KNTC1: variants seen among roughly 807,000 people sequenced by gnomAD.
KNTC1 encodes kinetochore-associated protein 1.
A neutral mutation model predicts 314.4 loss-of-function variants in KNTC1; 253 were observed. That is an observed-to-expected ratio of 0.80 (90% CI 0.73 to 0.89). The LOEUF (loss-of-function observed/expected upper bound fraction) is 0.89, where lower values mean the gene tolerates loss of function less well. Among genes scored for constraint, KNTC1 ranks in the 40% least tolerant of loss-of-function variants. KNTC1 has a pLI of 0.00. For synonymous variants in KNTC1, 901 were observed against 901.4 expected (o/e 1.00, Z 0.01); for missense variants, 2,475 against 2,572.9 (o/e 0.96, Z 0.82).
At chr12:122,602,016 T>C (rs1009816975) in intron 45 of KNTC1, 1 of 152,752 alleles carries the variant, frequency 6.5e-6, no homozygotes, top group Non-Finnish European at 1.5e-5. Flanking sequence ...TACTCAATTA[T>C]GTCTCAGTAC....
At position 122,534,648 on chromosome 12, in the gene KNTC1, C is replaced by G. The variant is rs199547945; in HGVS notation, c.130-16C>G. 12 of 1,595,006 alleles carry G rather than the reference C, an allele frequency of 7.5e-6. No individual in the cohort carries two copies. In the African/African-American group the frequency reaches 1.5e-4, roughly 20 times the overall value. On this transcript the variant is annotated splice_polypyrimidine_tract_variant and intron_variant, in intron 2 of 63. Coordinates refer to ENST00000333479, the MANE Select transcript of KNTC1 (RefSeq NM_014708.6). ...TAAAAATGTTTGAATTTTCATCATG[C>G]TTTTCTCTCCCACAGGCCTCATTAA...
intron 12 of KNTC1, among the ~76,000 whole-genome samples, chr12:122,549,397 C>T (rs1274036029): frequency 1.3e-5 from 2 of 149,202 alleles, no homozygotes; most frequent in Non-Finnish European, 3.0e-5. Context: ...TTGCCCAGGC[C>T]GGAGTGCAGT....
In KNTC1 at chr12:122,551,460, T is replaced by A. The variant is rs1593519713; in HGVS notation, c.1133T>A (p.Leu378Ter). ...TTTATAGTTAAAATTTTTTCTAGATTGTCTGAAGACTCAGTCTCTGTGTTA... is the reference window on the plus strand; with the variant it reads ...TTTATAGTTAAAATTTTTTCTAGATAGTCTGAAGACTCAGTCTCTGTGTTA... Reference protein sequence around the residue: ...LEGVCKNDPKLSEDSVSVLVL... With the variant: ...LEGVCKNDPK The change falls in exon 15 of 64, where the codon TTG becomes TAG. Residue 378 changes from leucine to a stop codon, truncating the protein, a stop_gained and splice_region_variant. Coordinates refer to ENST00000333479, the MANE Select transcript of KNTC1 (RefSeq NM_014708.6). LOFTEE classifies it high-confidence loss of function. 1 of 1,582,324 alleles carries A rather than the reference T, an allele frequency of 6.3e-7. No homozygotes were observed. The highest frequency in any genetic ancestry group is 8.6e-7 in the Non-Finnish European group (1 of 1,162,352).
intron 55 of KNTC1, among the ~76,000 whole-genome samples, chr12:122,614,503 T>A (rs1364256194): frequency 6.6e-6 from 1 of 152,094 alleles, no homozygotes; most frequent in African/African-American, 2.4e-5. Flanking sequence ...GGTGTCTGAG[T>A]CCATGACAGC....
intron 20 of KNTC1, among the ~76,000 whole-genome samples, chr12:122,565,969 T>A (rs1297516917): frequency 6.0e-5 from 9 of 151,090 alleles, no homozygotes; most frequent in Non-Finnish European, 7.4e-5. Flanking sequence ...TTTTTTTTTT[T>A]TGAGACAGAG....
intron 39 of KNTC1, among the ~76,000 whole-genome samples, chr12:122,588,197 G>A (rs1285488324): frequency 6.6e-6 from 1 of 152,168 alleles, no homozygotes; most frequent in Non-Finnish European, 1.5e-5. Context: ...TAAGCTTAGT[G>A]CAGTGTCCAC....
intron 55 of KNTC1, 26 bp from the exon 56 acceptor site, chr12:122,614,965 T>A: frequency 6.4e-7 from 1 of 1,562,842 alleles, no homozygotes; most frequent in Non-Finnish European, 8.8e-7. Flanking sequence ...TGGAATAGCA[T>A]GATTTTTTTC....
chr12:122,624,539 A>G, intron 62 of KNTC1, 59 bp from the exon 63 acceptor site: 1 of 1,277,496 alleles, frequency 7.8e-7, no homozygotes, highest in African/African-American at 1.5e-5. Flanking sequence ...GAGTGCCGGG[A>G]TTGTAGGCAC....
At position 122,602,751 on chromosome 12, in the gene KNTC1, A is replaced by G. The variant is rs2138115263; in HGVS notation, c.4825+11A>G. The G allele has an allele frequency of 1.9e-6, 3 of 1,612,852 alleles. No homozygotes were observed. The highest frequency in any genetic ancestry group is 1.1e-5 in the South Asian group (1 of 90,724). Reference sequence around the variant, plus strand: ...TCTGGAAAATTCTCTGTATGTGTTCATTAACTTTTTATGAATTTTACTGGA... The same window carrying G: ...TCTGGAAAATTCTCTGTATGTGTTCGTTAACTTTTTATGAATTTTACTGGA... On this transcript the variant is annotated intron_variant, in intron 46 of 63. Transcript: ENST00000333479.
intron 16 of KNTC1, among the ~76,000 whole-genome samples, chr12:122,551,905 C>A (rs1394422983): frequency 6.7e-6 from 1 of 148,406 alleles, no homozygotes; most frequent in African/African-American, 2.5e-5. Flanking sequence ...CAGGTCAGGT[C>A]TTTTTTTTTT....
intron 11 of KNTC1, 38 bp downstream of exon 11, chr12:122,547,568 G>A (rs762197178): frequency 1.2e-5 from 14 of 1,213,378 alleles, no homozygotes; most frequent in African/African-American, 1.0e-4. Context: ...TTTCCCTTCT[G>A]TTAGTACCAG....
At chr12:122,619,644 C>A (rs1874195533) in intron 59 of KNTC1, among the ~76,000 whole-genome samples, 1 of 151,514 alleles carries the variant, frequency 6.6e-6, no homozygotes, top group Non-Finnish European at 1.5e-5. Context: ...GATCTCCTGA[C>A]CTCATGATCC....
intron 20 of KNTC1, among the ~76,000 whole-genome samples, chr12:122,568,034 T>C (rs1964458111): frequency 6.6e-6 from 1 of 152,126 alleles, no homozygotes; most frequent in Non-Finnish European, 1.5e-5. Context: ...GAGGGTCCTA[T>C]AGGAAGCTAC....
At chr12:122,553,175 AG>A (rs1963316495) in intron 16 of KNTC1, among the ~76,000 whole-genome samples, 1 of 151,394 alleles carries the variant, frequency 6.6e-6, no homozygotes, top group Non-Finnish European at 1.5e-5. Context: ...AAAAAAAAAA[AG>A]AGGAATATAG....
At chr12:122,554,074 A>ATATATATATATATATATAT (rs71445282) in intron 16 of KNTC1, among the ~76,000 whole-genome samples, 1 of 70,674 alleles carries the variant, frequency 1.4e-5, no homozygotes, top group African/African-American at 5.2e-5. Flanking sequence ...TAAAAAAAAA[A>ATATATATATATATATATAT]AAATATATAT....
At chr12:122,623,763 A>G (rs1419734919) in intron 62 of KNTC1, among the ~76,000 whole-genome samples, 2 of 152,028 alleles carry the variant, frequency 1.3e-5, no homozygotes, top group African/African-American at 4.8e-5. Context: ...AGTACAAAAC[A>G]TTGCTCCAAA....
At chr12:122,563,261 T>C (rs1479537778) in intron 20 of KNTC1, among the ~76,000 whole-genome samples, 1 of 152,050 alleles carries the variant, frequency 6.6e-6, no homozygotes, top group Non-Finnish European at 1.5e-5. Flanking sequence ...GCCTCAACTT[T>C]TTAGGCTTGG....
intron 56 of KNTC1, 39 bp from the exon 57 acceptor site, chr12:122,615,431 G>A (rs985873680): frequency 8.3e-6 from 12 of 1,445,484 alleles, no homozygotes; most frequent in Non-Finnish European, 1.0e-5. Flanking sequence ...TTTCCATTTT[G>A]GTGGTCTTTA....
At chr12:122,539,789 T>TTG (rs1962142225) in intron 5 of KNTC1, 35 bp downstream of exon 5, 3 of 1,354,160 alleles carry the variant, frequency 2.2e-6, no homozygotes, top group Non-Finnish European at 3.0e-6. Flanking sequence ...GAATGACTTT[T>TTG]TTTTTTTTTT....
Sources: allele counts gnomAD v4.1 joint callset (sites outside exome capture counted in the v4.1 genomes callset), GRCh38; gene constraint gnomAD v4.1.1; transcripts MANE v1.5; gene names NCBI Gene and HGNC (gene_info 2026-07-23, HGNC 2026-07-21).